Variants in ARHGEF39 observed in about 807,000 individuals in gnomAD.
ARHGEF39 encodes Rho guanine nucleotide exchange factor 39.
ARHGEF39 carries 45 observed loss-of-function variants against 47.5 expected under a neutral mutation model. The observed-to-expected ratio is 0.95, with a 90% CI of 0.75 to 1.22. ARHGEF39 has a LOEUF of 1.22. ARHGEF39 is among the 50% of genes most tolerant of loss of function. The probability of loss-of-function intolerance (pLI) is 0.00; values close to 1 mark genes in which losing one functional copy is unlikely to be tolerated. For synonymous variants in ARHGEF39, 164 were observed against 167.8 expected (o/e 0.98, Z 0.17); for missense variants, 411 against 425.3 (o/e 0.97, Z 0.30).
At chr9:35,664,294 G>A (rs1824123779) in intron 3 of ARHGEF39, 78 bp downstream of exon 3, 1 of 1,541,426 alleles carries the variant, frequency 6.5e-7, no homozygotes, top group African/African-American at 1.4e-5. Context: ...CTCTATAAAT[G>A]CAGGAAATGT....
At position 35,663,352 on chromosome 9, in the gene ARHGEF39, G is replaced by A; in HGVS notation, c.514C>T (p.Pro172Ser). Residue 172 changes from proline (P) to serine (S), a missense_variant, in exon 5 of 9, where the codon CCC (proline) becomes TCC (serine). Physicochemically the swap from Pro to Ser is moderately conservative, Grantham distance 74. Transcript: ENST00000378387. ...AGCTGTTGATGGTCAGGGCTGTTGG[G>A]ACCTGTGTTTTCAGCCAAAGCTACG... ...LVVALAENTG[P>S]NSPDHQQLTR... 1 of 1,613,990 alleles carries A rather than the reference G, an allele frequency of 6.2e-7. No individual in the cohort carries two copies. Among genetic ancestry groups the A allele is most frequent in the Admixed American group, 1.7e-5 (1 of 60,020 alleles).
At chr9:35,663,194 A>G in intron 5 of ARHGEF39, 120 bp from the exon 6 acceptor site, 2 of 1,566,976 alleles carry the variant, frequency 1.3e-6, no homozygotes, top group South Asian at 1.1e-5. Context: ...GAAAAGGCAG[A>G]GCAGTAGGGA....
chr9:35,660,916 C>T lies in ARHGEF39; in HGVS notation c.*1071G>A, dbSNP rs1463884496. 6.2e-7 allele frequency: 1 copy of T among 1,614,076 alleles called. No individual in the cohort carries two copies. The highest frequency in any genetic ancestry group is 8.5e-7 in the Non-Finnish European group (1 of 1,180,056). On this transcript the variant is annotated 3_prime_UTR_variant, in exon 9 of 9. Coordinates refer to ENST00000378387, the MANE Select transcript of ARHGEF39 (RefSeq NM_032818.3). ...GGAGACAAAGTCTCTGAAACTGGAA[C>T]ATTCCTGATCTCTCCCCACACAGAG...
At position 35,662,061 on chromosome 9, in the gene ARHGEF39, C is replaced by G; in HGVS notation, c.993-59G>C. 3.1e-6 allele frequency: 5 copies of G among 1,610,564 alleles called. No individual in the cohort carries two copies. The South Asian group carries it at 3.3e-5, about 11-fold the overall frequency. On this transcript the variant is annotated intron_variant, in intron 8 of 8. Transcript: ENST00000378387. The stretch of plus-strand genomic sequence containing the variant: ...TATGAGTGCTTTATTCAGACAAAAT[C>G]ATCTGGGGGTTGGTGGCTGGGGTGT...
Position 35,664,374 on chromosome 9 carries a change from G to C in ARHGEF39, c.352C>G (p.Gln118Glu). The stretch of plus-strand genomic sequence containing the variant: ...ATTTGAGGTCATCTCCAGGTTACCT[G>C]CAGGGTGGTCTGGGACCTCTCTGAG... ...ANSERSQTTLQEQLKKNKGFR... is the reference protein window; with the variant it reads ...ANSERSQTTLEEQLKKNKGFR... The change falls in exon 3 of 9, where the codon CAG becomes GAG. Residue 118 changes from glutamine to glutamate, a missense_variant and splice_region_variant. Coordinates refer to ENST00000378387, the MANE Select transcript of ARHGEF39 (RefSeq NM_032818.3). 6.2e-7 allele frequency: 1 copy of C among 1,603,462 alleles called. No individual in the cohort carries two copies. The highest frequency in any genetic ancestry group is 8.5e-7 in the Non-Finnish European group (1 of 1,175,826).
In ARHGEF39 at chr9:35,663,326, G is replaced by A. The variant is rs1824071871; in HGVS notation, c.540C>T (p.Leu180=). Residue 180 remains leucine, a synonymous_variant, in exon 5 of 9, where the codon CTC becomes CTT. Coordinates refer to ENST00000378387, the MANE Select transcript of ARHGEF39 (RefSeq NM_032818.3). Reference sequence around the variant, plus strand: ...TGCCGAGGAGCAAGAACCTACGTGTGAGCTGTTGATGGTCAGGGCTGTTGG... The same window carrying A: ...TGCCGAGGAGCAAGAACCTACGTGTAAGCTGTTGATGGTCAGGGCTGTTGG... ...TGPNSPDHQQ[L]TRAARLISET... is the part of the protein sequence containing the mutation. 1 of 1,614,022 alleles carries A rather than the reference G, an allele frequency of 6.2e-7. No homozygotes were observed. The highest frequency in any genetic ancestry group is 8.5e-7 in the Non-Finnish European group (1 of 1,179,886).
chr9:35,662,937 G>C lies in ARHGEF39; in HGVS notation c.673+9C>G. 2 of 1,605,536 alleles carry C rather than the reference G, an allele frequency of 1.2e-6. No homozygotes were observed. The highest frequency in any genetic ancestry group is 1.7e-6 in the Non-Finnish European group (2 of 1,172,854). On this transcript the variant is annotated intron_variant, in intron 6 of 8. Coordinates refer to ENST00000378387, the MANE Select transcript of ARHGEF39 (RefSeq NM_032818.3). ...CAGTTGAGGATTGAAGGGGAAGTAG[G>C]CAAGCTACCTGAGGTCAGCCCCTTT...
Position 35,664,436 on chromosome 9 carries a change from C to G in ARHGEF39, c.290G>C (p.Cys97Ser), listed in dbSNP as rs1232924414. 6.2e-7 allele frequency: 1 copy of G among 1,610,376 alleles called. No homozygotes were observed. The highest frequency in any genetic ancestry group is 8.5e-7 in the Non-Finnish European group (1 of 1,177,386). The change falls in exon 3 of 9, where the codon TGC becomes TCC. Residue 97 changes from cysteine (C) to serine (S), a missense_variant. By Grantham distance (112) the Cys-to-Ser change is moderately radical. Transcript: ENST00000378387. ...TTGGTTATAGAGCTCCAAGTGGCGG[C>G]AGAAGCCCTCCAGCCCTTGGCCCCA... Reference protein sequence around the residue: ...GCWGQGLEGFCRHLELYNQFA... With the variant: ...GCWGQGLEGFSRHLELYNQFA...
Position 35,660,304 on chromosome 9 carries a change from A to G in ARHGEF39, c.*1683T>C. 9.6e-7 allele frequency: 1 copy of G among 1,044,442 alleles called. No homozygotes were observed. 64.7% of individuals were successfully genotyped at this position (1,044,442 alleles called of 1,614,324 possible). ...AGGTAAAAACCCAATCACTGTCTCC[A>G]TCTCAAATTGCACTCTCTCTTGGCT... On this transcript the variant is annotated 3_prime_UTR_variant, in exon 9 of 9. Transcript: ENST00000378387.
chr9:35,660,873 G>C lies in ARHGEF39; in HGVS notation c.*1114C>G, dbSNP rs1163781590. On this transcript the variant is annotated 3_prime_UTR_variant, in exon 9 of 9. Transcript: ENST00000378387. ...TTCAGAACCAGGTGAAGGCTCGGGA[G>C]GCGAGTCTGCTGGAGGTGGAGACAA... The C allele has an allele frequency of 6.2e-7, 1 of 1,614,064 alleles. No individual in the cohort carries two copies. Among genetic ancestry groups the C allele is most frequent in the Admixed American group, 1.7e-5 (1 of 60,006 alleles).
intron 3 of ARHGEF39, 103 bp downstream of exon 3, chr9:35,664,269 T>C: frequency 6.5e-7 from 1 of 1,527,338 alleles, no homozygotes; most frequent in Non-Finnish European, 8.9e-7. Context: ...ACCACAGAGC[T>C]GAGCACCCAG....
In ARHGEF39 at chr9:35,665,130, C is replaced by T. The variant is rs760282067; in HGVS notation, c.40G>A (p.Glu14Lys). The T allele has an allele frequency of 1.1e-5, 17 of 1,545,590 alleles. No individual in the cohort carries two copies. In the African/African-American group the frequency reaches 1.5e-4, roughly 14 times the overall value. Residue 14 changes from glutamate to lysine, a missense_variant, in exon 1 of 9, where the codon GAG becomes AAG. By Grantham distance (56) the Glu-to-Lys change is moderately conservative. Coordinates refer to ENST00000378387, the MANE Select transcript of ARHGEF39 (RefSeq NM_032818.3). ...SCPGSRCPVQ[E>K]QRARWERKRA... ...TTCCGCTCCCAGCGGGCACGCTGCT[C>T]TTGCACCGGGCACCGCGAACCGGGG...
In ARHGEF39 at chr9:35,660,859, G is replaced by C. The variant is rs1587928506; in HGVS notation, c.*1128C>G. The C allele has an allele frequency of 6.2e-7, 1 of 1,614,084 alleles. No homozygotes were observed. Among genetic ancestry groups the C allele is most frequent in the African/African-American group, 1.3e-5 (1 of 74,946 alleles). On this transcript the variant is annotated 3_prime_UTR_variant, in exon 9 of 9. Coordinates refer to ENST00000378387, the MANE Select transcript of ARHGEF39 (RefSeq NM_032818.3). ...AAGGATATGGAGGCTTCAGAACCAG[G>C]TGAAGGCTCGGGAGGCGAGTCTGCT...
chr9:35,660,083 G>A lies in ARHGEF39; in HGVS notation c.*1904C>T, dbSNP rs1823830220. ...TGGTCTCAAACTCCTGACCTCAGGT[G>A]ATCCACCCACCTTGGCTTCCCGAAG... On this transcript the variant is annotated 3_prime_UTR_variant, in exon 9 of 9. Coordinates refer to ENST00000378387, the MANE Select transcript of ARHGEF39 (RefSeq NM_032818.3). 4.7e-6 allele frequency: 1 copy of A among 213,184 alleles called. No individual in the cohort carries two copies. The highest frequency in any genetic ancestry group is 8.8e-5 in the South Asian group (1 of 11,422). The allele number at this position is 213,184 out of a possible 1,614,324, so 13.2% of individuals were successfully genotyped here.
At position 35,661,537 on chromosome 9, in the gene ARHGEF39, T is replaced by G; in HGVS notation, c.*450A>C. 1 of 442,522 alleles carries G rather than the reference T, an allele frequency of 2.3e-6. No homozygotes were observed. The allele number at this position is 442,522 out of a possible 1,614,324, so 27.4% of individuals were successfully genotyped here. On this transcript the variant is annotated 3_prime_UTR_variant, in exon 9 of 9. Transcript: ENST00000378387. ...TAGCCACATTTACAAAGCTGCAGCC[T>G]TGATAAATGACGGGCCATGGACACA...
rs773737305 is a variant in ARHGEF39, at chr9:35,660,498, T to C, written c.*1489A>G. The C allele has an allele frequency of 1.9e-6, 3 of 1,612,512 alleles. No homozygotes were observed. The highest frequency in any genetic ancestry group is 2.5e-6 in the Non-Finnish European group (3 of 1,179,178). On this transcript the variant is annotated 3_prime_UTR_variant, in exon 9 of 9. Coordinates refer to ENST00000378387, the MANE Select transcript of ARHGEF39 (RefSeq NM_032818.3). ...AGAAGTCTGTGCTGGGTCGGGGGAG[T>C]TTAGGGGACAGCAGAAGATACATAA... is the stretch of plus-strand genomic sequence containing the variant.
rs144117839 is a variant in ARHGEF39 at position 35,665,183 on chromosome 9, G to A, written c.-14C>T. 4.0e-4 allele frequency: 584 copies of A among 1,466,678 alleles called. 2 individuals are homozygous for A. The African/African-American group carries it at 6.2e-3, about 16-fold the overall frequency. 90.9% of individuals were successfully genotyped at this position (1,466,678 alleles called of 1,614,324 possible). A position where few individuals can be genotyped will look rare whatever the true frequency, so the allele number is the denominator to read the frequency against. ...GGAGAGCTCCATGCCCTGGCTGAGGGATCGACACTTCCGGCTGCAGTCCGC... is the reference window on the plus strand; with the variant it reads ...GGAGAGCTCCATGCCCTGGCTGAGGAATCGACACTTCCGGCTGCAGTCCGC... On this transcript the variant is annotated 5_prime_UTR_variant, in exon 1 of 9. Coordinates refer to ENST00000378387, the MANE Select transcript of ARHGEF39 (RefSeq NM_032818.3).
chr9:35,665,116 G>A lies in ARHGEF39; in HGVS notation c.54C>T (p.Arg18=). 6.5e-7 allele frequency: 1 copy of A among 1,548,236 alleles called. No individual in the cohort carries two copies. Among genetic ancestry groups the A allele is most frequent in the Non-Finnish European group, 8.7e-7 (1 of 1,146,426 alleles). The change falls in exon 1 of 9, where the codon CGC becomes CGT. Residue 18 remains arginine (R), a synonymous_variant. Transcript: ENST00000378387. ...CGGTGCAGGCGCGTTTCCGCTCCCA[G>A]CGGGCACGCTGCTCTTGCACCGGGC... ...SRCPVQEQRA[R]WERKRACTAR...
intron 5 of ARHGEF39, 101 bp downstream of exon 5, chr9:35,663,221 G>C: frequency 6.4e-7 from 1 of 1,552,690 alleles, no homozygotes. Context: ...ATACATGTCA[G>C]TGGAAGATAG....
Sources: gnomAD v4.1 joint callset for allele counts on GRCh38, gnomAD v4.1.1 for gene constraint, MANE v1.5 for transcripts, NCBI Gene and HGNC (gene_info 2026-07-23, HGNC 2026-07-21) for gene names.